The following MAP4 variants were observed in gnomAD, a reference collection of about 807,000 sequenced individuals.
MAP4 encodes the protein microtubule associated protein 4.
A neutral mutation model predicts 170.2 loss-of-function variants in MAP4; 76 were observed. The ratio of observed to expected loss-of-function variants is 0.45; its 90% CI spans 0.37 to 0.54. The LOEUF is 0.54. Ranked by LOEUF, MAP4 falls within the 20% of genes least tolerant of loss-of-function variation. The pLI, the probability that MAP4 is intolerant of heterozygous loss-of-function variation, is 0.00. For missense variants in MAP4, 2,506 were observed against 2,748.0 expected, an observed-to-expected ratio of 0.91 and a Z score of 1.97; for synonymous variants, 909 against 994.5, an observed-to-expected ratio of 0.91 and a Z score of 1.62.
chr3:47,862,577 A>C (rs1255473386), intron 17 of MAP4, among the ~76,000 whole-genome samples: 1 of 152,066 alleles, frequency 6.6e-6, no homozygotes, highest in South Asian at 2.1e-4. Flanking sequence ...TCCCGGGTTC[A>C]AGTGATTCTC....
intron 4 of MAP4, among the ~76,000 whole-genome samples, chr3:47,926,529 G>A (rs2100046075): frequency 6.6e-6 from 1 of 151,910 alleles, no homozygotes; most frequent in Non-Finnish European, 1.5e-5. Context: ...CTATCTGTCT[G>A]TCTGTCTGTC....
At chr3:47,917,947 C>T (rs1170342588) in intron 6 of MAP4, among the ~76,000 whole-genome samples, 2 of 152,114 alleles carry the variant, frequency 1.3e-5, no homozygotes, top group Non-Finnish European at 2.9e-5. Context: ...TCTCCTGTCT[C>T]AGCCTCCCTA....
intron 1 of MAP4, among the ~76,000 whole-genome samples, chr3:48,062,137 A>G (rs1047027164): frequency 6.6e-6 from 1 of 152,144 alleles, no homozygotes; most frequent in Non-Finnish European, 1.5e-5. Flanking sequence ...AGGAGACTCC[A>G]TTTTGTTCTG....
intron 3 of MAP4, among the ~76,000 whole-genome samples, chr3:47,952,779 T>G (rs950093923): frequency 6.6e-6 from 1 of 151,512 alleles, no homozygotes; most frequent in African/African-American, 2.4e-5. Context: ...CAAAAATTGG[T>G]CGGGTGTGGT....
At chr3:48,027,217 T>C (rs1395393650) in intron 1 of MAP4, among the ~76,000 whole-genome samples, 1 of 152,112 alleles carries the variant, frequency 6.6e-6, no homozygotes, top group Admixed American at 6.6e-5. Flanking sequence ...ACATGTAAAA[T>C]AAAAAAGAGT....
At chr3:47,998,307 C>CTGA (rs1433646861) in intron 2 of MAP4, among the ~76,000 whole-genome samples, 2 of 152,292 alleles carry the variant, frequency 1.3e-5, no homozygotes, top group Middle Eastern at 3.4e-3. Flanking sequence ...AAATGAAGTT[C>CTGA]TGATATAACC....
intron 10 of MAP4, chr3:47,892,770 C>T (rs2153087943): frequency 8.8e-6 from 11 of 1,247,230 alleles, no homozygotes; most frequent in South Asian, 6.2e-5. Flanking sequence ...TGTAATTTCC[C>T]GTGAACTAGC....
intron 2 of MAP4, among the ~76,000 whole-genome samples, chr3:47,986,215 G>A (rs2100088580): frequency 6.6e-6 from 1 of 152,154 alleles, no homozygotes; most frequent in Non-Finnish European, 1.5e-5. Flanking sequence ...CTAGGCTTAA[G>A]CAATCCTCCT....
At chr3:48,074,920 T>C (rs1343215894) in intron 1 of MAP4, among the ~76,000 whole-genome samples, 1 of 152,076 alleles carries the variant, frequency 6.6e-6, no homozygotes, top group Non-Finnish European at 1.5e-5. Context: ...ATTGTTAAGA[T>C]GGCAGCACTC....
intron 1 of MAP4, among the ~76,000 whole-genome samples, chr3:48,029,029 C>G (rs571711172): frequency 3.3e-5 from 5 of 151,512 alleles, no homozygotes; most frequent in Non-Finnish European, 7.4e-5. Context: ...ACCTGTAGTC[C>G]CAGCTACTTG....
upstream of MAP4, among the ~76,000 whole-genome samples, chr3:48,019,104 A>C (rs1313418190): frequency 2.0e-5 from 3 of 152,204 alleles, no homozygotes; most frequent in Non-Finnish European, 2.9e-5. Flanking sequence ...CTGGGAGGCC[A>C]AAGCAGGAAG....
intron 3 of MAP4, among the ~76,000 whole-genome samples, chr3:47,951,109 G>T (rs1366185020): frequency 6.6e-6 from 1 of 151,972 alleles, no homozygotes; most frequent in African/African-American, 2.4e-5. Context: ...AATTTATAAA[G>T]GTTTTAAAAT....
At chr3:48,073,076 G>A (rs2100141790) in intron 1 of MAP4, among the ~76,000 whole-genome samples, 2 of 150,410 alleles carry the variant, frequency 1.3e-5, no homozygotes, top group South Asian at 4.2e-4. Context: ...TAAAAATGGT[G>A]GCACATGCCC....
intron 1 of MAP4, among the ~76,000 whole-genome samples, chr3:48,080,931 T>C (rs1439274646): frequency 1.3e-5 from 2 of 152,230 alleles, no homozygotes; most frequent in African/African-American, 2.4e-5. Flanking sequence ...GAGACCATCC[T>C]GGCTAACACG....
intron 1 of MAP4, among the ~76,000 whole-genome samples, chr3:48,004,419 G>A (rs760584210): frequency 3.3e-5 from 5 of 152,146 alleles, no homozygotes; most frequent in Non-Finnish European, 5.9e-5. Context: ...GAAAACCAAC[G>A]AACATAATGA....
At chr3:48,054,792 A>G (rs1030125758) in intron 1 of MAP4, among the ~76,000 whole-genome samples, 1 of 151,750 alleles carries the variant, frequency 6.6e-6, no homozygotes, top group Non-Finnish European at 1.5e-5. Flanking sequence ...TGGGCGACAA[A>G]GCAAGACTCT....
intron 1 of MAP4, among the ~76,000 whole-genome samples, chr3:48,033,749 C>T (rs1004527887): frequency 9.9e-5 from 15 of 151,978 alleles, no homozygotes; most frequent in Admixed American, 1.3e-4. Flanking sequence ...TATAGGTGCA[C>T]GCCACCACAG....
At chr3:47,867,398 C>G (rs1400690305) in intron 16 of MAP4, 60 bp from the exon 17 acceptor site, 1 of 1,123,060 alleles carries the variant, frequency 8.9e-7, no homozygotes, top group East Asian at 2.3e-5. Flanking sequence ...AGAACCGACA[C>G]AGGGAAGGCA....
At position 47,998,536 on chromosome 3, in the gene MAP4, T is replaced by TA. The variant is rs747277837; in HGVS notation, c.223+101dup. The TA allele has an allele frequency of 2.6e-5, 24 of 906,798 alleles. No homozygotes were observed. The Admixed American group carries it at 2.7e-4, about 10-fold the overall frequency. 56.2% of individuals were successfully genotyped at this position (906,798 alleles called of 1,614,324 possible). ...GAAACATAAAGTTACTAGCCTACAC[T>TA]AAAAAAACTCAGCTCAATTCTCAGT... On this transcript the variant is annotated intron_variant, in intron 2 of 20. Transcript: ENST00000683076.
Sources: gnomAD v4.1 joint callset for allele counts (sites outside exome capture counted in the v4.1 genomes callset) on GRCh38, gnomAD v4.1.1 for gene constraint, MANE v1.5 for transcripts, NCBI Gene and HGNC (gene_info 2026-07-23, HGNC 2026-07-21) for gene names.